The following DGKA variants were observed in gnomAD, a reference collection of about 807,000 sequenced individuals.
The protein encoded by DGKA is diacylglycerol kinase alpha.
Under a neutral mutation model 105.0 loss-of-function variants are expected in DGKA, and 35 were observed. The observed-to-expected ratio is 0.33, with a 90% CI of 0.25 to 0.44. DGKA has a LOEUF of 0.44. Ranked by LOEUF, DGKA falls within the 20% of genes least tolerant of loss-of-function variation. The pLI is 1.00. For missense variants in DGKA, 665 were observed against 915.0 expected, an observed-to-expected ratio of 0.73 and a Z score of 3.53; for synonymous variants, 296 against 332.0, an observed-to-expected ratio of 0.89 and a Z score of 1.18.
Position 55,932,741 on chromosome 12 carries a change from A to C in DGKA, c.-82+1397A>C. ...CACACACACACACACACACACACAC[A>C]ACCCCCTCAGCCAGGTGTAGCACTG... On this transcript the variant is annotated intron_variant, in intron 1 of 23. Coordinates refer to ENST00000331886, the MANE Select transcript of DGKA (RefSeq NM_001345.5). The surrounding 1 kb of genome is among the most constrained non-coding windows in gnomAD (Gnocchi z 4.3). 2.0e-6 allele frequency: 1 copy of C among 497,270 alleles called. No individual in the cohort carries two copies. Among genetic ancestry groups the C allele is most frequent in the African/African-American group, 2.3e-5 (1 of 44,426 alleles). The allele number at this position is 497,270 out of a possible 1,614,324, so 30.8% of individuals were successfully genotyped here. A position where few individuals can be genotyped will look rare whatever the true frequency, so the allele number is the denominator to read the frequency against.
At chr12:55,938,191 T>A in intron 5 of DGKA, 139 bp downstream of exon 5, 1 of 775,370 alleles carries the variant, frequency 1.3e-6, no homozygotes, top group East Asian at 2.7e-5. Context: ...ATGAGCCCAT[T>A]TCCTGTGTTC....
chr12:55,949,497 C>T (rs1451332649), intron 17 of DGKA, among the ~76,000 whole-genome samples: 5 of 152,082 alleles, frequency 3.3e-5, no homozygotes, highest in African/African-American at 4.8e-5. Context: ...TGGCACCCAG[C>T]GAAAAATATG....
At chr12:55,936,991 G>A (rs775215730) in intron 2 of DGKA, 26 bp from the exon 3 acceptor site, 1 of 1,604,530 alleles carries the variant, frequency 6.2e-7, no homozygotes, top group South Asian at 1.1e-5. Flanking sequence ...TAATAATGCT[G>A]TTCTCTTACT....
At position 55,937,409 on chromosome 12, in the gene DGKA, C is replaced by T; in HGVS notation, c.140C>T (p.Ala47Val). The change falls in exon 4 of 24, where the codon GCC becomes GTC. Residue 47 changes from alanine to valine, a missense_variant and splice_region_variant. By Grantham distance (64) the Ala-to-Val change is moderately conservative. Transcript: ENST00000331886. The part of the protein sequence containing the change: ...GEMAKYVQGD[A>V]IGYEGFQQFL... ...GGATAATGCTCACTCTCATTATAGG[C>T]CATTGGGTACGAGGGATTCCAGCAA... 1 of 1,613,608 alleles carries T rather than the reference C, an allele frequency of 6.2e-7. No homozygotes were observed. The highest frequency in any genetic ancestry group is 8.5e-7 in the Non-Finnish European group (1 of 1,179,704).
chr12:55,951,509 G>A (rs2136409675), intron 17 of DGKA, 114 bp from the exon 18 acceptor site: 1 of 1,122,794 alleles, frequency 8.9e-7, no homozygotes. Flanking sequence ...GCTAGGGCTG[G>A]GAGGCTCTGT....
Position 55,953,892 on chromosome 12 carries a change from TCA to T in DGKA, c.*127_*128del. 2 of 821,568 alleles carry T rather than the reference TCA, an allele frequency of 2.4e-6. No individual in the cohort carries two copies. The highest frequency in any genetic ancestry group is 4.0e-6 in the Non-Finnish European group (2 of 505,374). The allele number at this position is 821,568 out of a possible 1,614,324, so 50.9% of individuals were successfully genotyped here. A position where few individuals can be genotyped will look rare whatever the true frequency, so the allele number is the denominator to read the frequency against. On this transcript the variant is annotated 3_prime_UTR_variant, in exon 24 of 24. Coordinates refer to ENST00000331886, the MANE Select transcript of DGKA (RefSeq NM_001345.5). ...AGCTTGGGGGAGTGTTCCTTCACCC[TCA>T]CAGTATTTATTATCCTGCACCACCT...
At chr12:55,927,767 A>T, upstream of DGKA, 1 of 1,538,830 alleles carries the variant, frequency 6.5e-7, no homozygotes, top group South Asian at 1.2e-5. Flanking sequence ...TCCATGGCCG[A>T]AGAGGCAGCG....
chr12:55,942,076 G>A lies in DGKA; in HGVS notation c.1329G>A (p.Glu443=). Reference sequence around the variant, plus strand: ...ACGGCACAGTAGGCTGGATTCTAGAGACCATTGGTCAGTGCAGGGAGGGGC... The same window carrying A: ...ACGGCACAGTAGGCTGGATTCTAGAAACCATTGGTCAGTGCAGGGAGGGGC... ...GGDGTVGWIL[E]TIDKANLPVL... Residue 443 remains glutamate (E), a synonymous_variant, in exon 16 of 24, where the codon GAG becomes GAA. Coordinates refer to ENST00000331886, the MANE Select transcript of DGKA (RefSeq NM_001345.5). 6.2e-7 allele frequency: 1 copy of A among 1,614,152 alleles called. No homozygotes were observed. Among genetic ancestry groups the A allele is most frequent in the Non-Finnish European group, 8.5e-7 (1 of 1,180,020 alleles).
chr12:55,952,340 G>C lies in DGKA; in HGVS notation c.1653-1G>C. On this transcript the variant is annotated splice_acceptor_variant, in intron 19 of 23. Transcript: ENST00000331886. LOFTEE classifies it high-confidence loss of function. This position sits in a 1 kb window ranked among gnomAD's most constrained non-coding sequence, Gnocchi z 5.1. Reference sequence around the variant, plus strand: ...TGGGCCTTGTGTTGGGGCTGACACAGAATGAAGAACAAGCTATGGTACTTC... The same window carrying C: ...TGGGCCTTGTGTTGGGGCTGACACACAATGAAGAACAAGCTATGGTACTTC... The C allele has an allele frequency of 6.2e-7, 1 of 1,614,096 alleles. No individual in the cohort carries two copies. Among genetic ancestry groups the C allele is most frequent in the Non-Finnish European group, 8.5e-7 (1 of 1,180,000 alleles).
rs1237358326 is a variant in DGKA, at chr12:55,953,106, C to A, written c.2009C>A (p.Thr670Asn). Residue 670 changes from threonine to asparagine, a missense_variant, in exon 22 of 24, where the codon ACC becomes AAC. This residue lies in a region of DGKA where 158 missense variants were observed against 213.4 expected (regional missense o/e 0.74). Coordinates refer to ENST00000331886, the MANE Select transcript of DGKA (RefSeq NM_001345.5). ...EGAIEMGQIY[T>N]KLKNAGRRLA... ...GCAATTGAGATGGGCCAAATCTATA[C>A]CAAGCTCAAGAATGCTGGACGTCGG... is the stretch of plus-strand genomic sequence containing the variant. 1.9e-6 allele frequency: 3 copies of A among 1,614,002 alleles called. No homozygotes were observed. The highest frequency in any genetic ancestry group is 2.5e-6 in the Non-Finnish European group (3 of 1,180,044).
rs1352972070 is a variant in DGKA, at chr12:55,937,150, C to T, written c.138+60C>T. The T allele has an allele frequency of 2.5e-6, 4 of 1,575,398 alleles. No individual in the cohort carries two copies. In the Admixed American group the frequency reaches 6.7e-5, roughly 26 times the overall value. On this transcript the variant is annotated intron_variant, in intron 3 of 23. Transcript: ENST00000331886. ...ACTCTTCCCATCTTTGTTTTTGATC[C>T]CCAACTTCCAGGAATTATTCTGGGC...
chr12:55,940,451 C>G lies in DGKA; in HGVS notation c.918+18C>G. 6.2e-7 allele frequency: 1 copy of G among 1,613,392 alleles called. No individual in the cohort carries two copies. The highest frequency in any genetic ancestry group is 8.5e-7 in the Non-Finnish European group (1 of 1,179,700). ...ACCTAGAGGTCAGTTTGGGAGCCAT[C>G]CCTTCTGGGTGCGTCTTACCCCGCA... On this transcript the variant is annotated intron_variant, in intron 11 of 23. Coordinates refer to ENST00000331886, the MANE Select transcript of DGKA (RefSeq NM_001345.5). This position sits in a 1 kb window ranked among gnomAD's most constrained non-coding sequence, Gnocchi z 4.3.
At chr12:55,937,673 C>A in intron 4 of DGKA, 130 bp downstream of exon 4, 1 of 1,267,548 alleles carries the variant, frequency 7.9e-7, no homozygotes, top group Non-Finnish European at 1.1e-6. Flanking sequence ...AATAGTCAGG[C>A]TGGTCTAGGA....
Position 55,952,575 on chromosome 12 carries a change from T to C in DGKA, c.1743+144T>C. ...AGCTCTCCTACCCCAATTCTCCAAG[T>C]CCTCAAGATACACTAGTCCCTATTT... On this transcript the variant is annotated intron_variant, in intron 20 of 23. Coordinates refer to ENST00000331886, the MANE Select transcript of DGKA (RefSeq NM_001345.5). The surrounding 1 kb of genome is among the most constrained non-coding windows in gnomAD (Gnocchi z 5.1). 8.6e-7 allele frequency: 1 copy of C among 1,168,668 alleles called. No homozygotes were observed. The highest frequency in any genetic ancestry group is 1.3e-6 in the Non-Finnish European group (1 of 795,632). 72.4% of individuals were successfully genotyped at this position (1,168,668 alleles called of 1,614,324 possible). A position where few individuals can be genotyped will look rare whatever the true frequency, so the allele number is the denominator to read the frequency against.
chr12:55,952,802 C>T lies in DGKA; in HGVS notation c.1812C>T (p.Ser604=), dbSNP rs1565766809. Residue 604 remains serine (S), a synonymous_variant, in exon 21 of 24, where the codon AGC becomes AGT. Coordinates refer to ENST00000331886, the MANE Select transcript of DGKA (RefSeq NM_001345.5). This position sits in a 1 kb window ranked among gnomAD's most constrained non-coding sequence, Gnocchi z 5.1. The part of the protein sequence containing the change: ...LEGIAVLNIP[S]MHGGSNLWGD... ...GCATCGCAGTGCTAAACATCCCTAG[C>T]ATGCATGGTGGCTCCAACCTCTGGG... 3.7e-6 allele frequency: 6 copies of T among 1,614,040 alleles called. No homozygotes were observed.
At chr12:55,951,195 C>G (rs1221660518) in intron 17 of DGKA, among the ~76,000 whole-genome samples, 1 of 152,166 alleles carries the variant, frequency 6.6e-6, no homozygotes, top group Non-Finnish European at 1.5e-5. Flanking sequence ...TGGGGGCTCT[C>G]TATTCTTTAC....
chr12:55,935,621 A>C (rs1884481724), intron 1 of DGKA: 1 of 152,278 alleles, frequency 6.6e-6, no homozygotes, highest in Admixed American at 6.5e-5. Flanking sequence ...ATAGTCATTG[A>C]AAAGTGCCAG....
rs374348340 is a variant in DGKA, at chr12:55,940,161, G to A, written c.789G>A (p.Lys263=). ...CEVSTYAKSR[K]DIGVQSHVWV... ...TCAGCACCTATGCCAAGTCTCGGAA[G>A]GACATTGGTGTGAGTGATCTCATGC... The change falls in exon 10 of 24, where the codon AAG becomes AAA. Residue 263 remains lysine, a synonymous_variant. Coordinates refer to ENST00000331886, the MANE Select transcript of DGKA (RefSeq NM_001345.5). This position sits in a 1 kb window ranked among gnomAD's most constrained non-coding sequence, Gnocchi z 4.3. The A allele has an allele frequency of 1.7e-5, 28 of 1,614,104 alleles. No individual in the cohort carries two copies. In the African/African-American group the frequency reaches 2.4e-4, roughly 14 times the overall value.
intron 4 of DGKA, 98 bp from the exon 5 acceptor site, chr12:55,937,880 C>CT (rs1885079434): frequency 5.5e-5 from 63 of 1,137,282 alleles, no homozygotes; most frequent in Middle Eastern, 2.0e-4. Flanking sequence ...ATCAGTAAAT[C>CT]TTTTTTTTAA....
Sources: gnomAD v4.1 joint callset for allele counts (sites outside exome capture counted in the v4.1 genomes callset) on GRCh38, gnomAD v4.1.1 for gene constraint, gnomAD v4.1.1 regional missense constraint, Gnocchi (gnomAD v3.1) non-coding constraint, MANE v1.5 for transcripts, NCBI Gene and HGNC (gene_info 2026-07-23, HGNC 2026-07-21) for gene names.